NIPAL2: variants seen among roughly 807,000 people sequenced by gnomAD.
NIPAL2 encodes NIPA like domain containing 2.
NIPAL2 carries 43 observed loss-of-function variants against 48.9 expected under a neutral mutation model. The ratio of observed to expected loss-of-function variants is 0.88; its 90% CI spans 0.69 to 1.13. The LOEUF (loss-of-function observed/expected upper bound fraction) is 1.13, where lower values mean the gene tolerates loss of function less well. NIPAL2 is among the 50% of genes most tolerant of loss of function. NIPAL2 has a pLI of 0.00. For missense variants in NIPAL2, 446 were observed against 461.4 expected, an observed-to-expected ratio of 0.97 and a Z score of 0.31; for synonymous variants, 167 against 174.6, an observed-to-expected ratio of 0.96 and a Z score of 0.34.
At chr8:98,266,960 T>C (rs1321415666) in intron 1 of NIPAL2, among the ~76,000 whole-genome samples, 1 of 151,304 alleles carries the variant, frequency 6.6e-6, no homozygotes, top group Non-Finnish European at 1.5e-5. Flanking sequence ...AGCAATCATA[T>C]AAATGGTTCC....
intron 1 of NIPAL2, among the ~76,000 whole-genome samples, chr8:98,287,566 A>G (rs1261553843): frequency 6.6e-6 from 1 of 152,178 alleles, no homozygotes; most frequent in African/African-American, 2.4e-5. Flanking sequence ...ATTATTAGAT[A>G]TATATTTTTA....
chr8:98,241,120 G>T (rs1812959156), intron 3 of NIPAL2, among the ~76,000 whole-genome samples: 1 of 152,188 alleles, frequency 6.6e-6, no homozygotes, highest in South Asian at 2.1e-4. Flanking sequence ...TTTCCAAGAT[G>T]ACCATGGTCT....
At chr8:98,193,570 G>A (rs1435835356) in intron 10 of NIPAL2, among the ~76,000 whole-genome samples, 10 of 152,134 alleles carry the variant, frequency 6.6e-5, no homozygotes, top group Non-Finnish European at 1.2e-4. Context: ...TATCATCCCA[G>A]CACATTGGGA....
intron 3 of NIPAL2, among the ~76,000 whole-genome samples, chr8:98,244,801 T>C (rs1435513762): frequency 1.3e-5 from 2 of 152,192 alleles, no homozygotes; most frequent in African/African-American, 2.4e-5. Context: ...TTTTTACCCA[T>C]AGGAAATTAA....
At chr8:98,256,368 A>G (rs557653379) in intron 1 of NIPAL2, among the ~76,000 whole-genome samples, 1 of 152,326 alleles carries the variant, frequency 6.6e-6, no homozygotes, top group South Asian at 2.1e-4. Flanking sequence ...AACAGAGTGA[A>G]AGGCAACCCA....
chr8:98,203,965 C>T (rs955603833), intron 7 of NIPAL2, among the ~76,000 whole-genome samples: 1 of 151,904 alleles, frequency 6.6e-6, no homozygotes, highest in Non-Finnish European at 1.5e-5. Flanking sequence ...AGGTCATATA[C>T]ATGCATGTAC....
At chr8:98,203,239 A>G (rs764452969) in intron 7 of NIPAL2, 43 bp from the exon 8 acceptor site, 1 of 1,226,974 alleles carries the variant, frequency 8.2e-7, no homozygotes, top group South Asian at 1.5e-5. Flanking sequence ...TTTAGGAGAC[A>G]TTCAGCAATA....
intron 1 of NIPAL2, among the ~76,000 whole-genome samples, chr8:98,262,986 G>A (rs867197843): frequency 0.045 from 6,602 of 146,554 alleles, 297 homozygotes; most frequent in African/African-American, 0.13. Flanking sequence ...ACTCAAAACC[G>A]CTCAACTACA....
At chr8:98,212,373 T>C in intron 6 of NIPAL2, 32 bp downstream of exon 6, 1 of 1,203,326 alleles carries the variant, frequency 8.3e-7, no homozygotes, top group Non-Finnish European at 1.2e-6. Context: ...CACAGCTCAA[T>C]TAAAGAATAA....
At chr8:98,287,168 T>C (rs1816225014) in intron 1 of NIPAL2, among the ~76,000 whole-genome samples, 1 of 152,196 alleles carries the variant, frequency 6.6e-6, no homozygotes, top group Non-Finnish European at 1.5e-5. Flanking sequence ...TGAGCTTTCC[T>C]AGGCTGGGGT....
chr8:98,239,798 C>T (rs1812894893), intron 3 of NIPAL2, among the ~76,000 whole-genome samples: 2 of 152,110 alleles, frequency 1.3e-5, no homozygotes, highest in Admixed American at 6.5e-5. Context: ...ACTCATTTAT[C>T]TTGCAAATAT....
In NIPAL2 at chr8:98,191,230, T is replaced by C. The variant is rs558327245; in HGVS notation, c.*1748A>G. ...CTCTTCAATCTAATTGTTTTCTCAA[T>C]CTTTGTAAACCAGTTTTAAGAGTCA... On this transcript the variant is annotated 3_prime_UTR_variant, in exon 11 of 11. Coordinates refer to ENST00000430223, the MANE Select transcript of NIPAL2 (RefSeq NM_001321635.2). 6.6e-6 allele frequency: 1 copy of C among 152,338 alleles called. No individual in the cohort carries two copies. The highest frequency in any genetic ancestry group is 1.9e-4 in the East Asian group (1 of 5,184). 9.4% of individuals were successfully genotyped at this position (152,338 alleles called of 1,614,324 possible). A position where few individuals can be genotyped will look rare whatever the true frequency, so the allele number is the denominator to read the frequency against.
At chr8:98,208,571 C>T (rs376608955) in intron 6 of NIPAL2, among the ~76,000 whole-genome samples, 1 of 152,080 alleles carries the variant, frequency 6.6e-6, no homozygotes, top group Non-Finnish European at 1.5e-5. Context: ...GCCTCAGCCT[C>T]CTGAGTAGCT....
intron 1 of NIPAL2, among the ~76,000 whole-genome samples, chr8:98,290,752 A>G (rs1391088936): frequency 6.6e-6 from 1 of 152,234 alleles, no homozygotes; most frequent in Non-Finnish European, 1.5e-5. Context: ...AAATCTTTAA[A>G]AATGCATATG....
chr8:98,237,944 A>C (rs952749740), intron 3 of NIPAL2, among the ~76,000 whole-genome samples: 14 of 152,198 alleles, frequency 9.2e-5, no homozygotes, highest in Non-Finnish European at 2.1e-4. Context: ...TTCTTCTAAG[A>C]TCTCCAGTGA....
chr8:98,214,862 T>C (rs1423820032), intron 5 of NIPAL2, among the ~76,000 whole-genome samples: 1 of 152,250 alleles, frequency 6.6e-6, no homozygotes, highest in African/African-American at 2.4e-5. Flanking sequence ...TTTGATTTAA[T>C]TGAGTAGTGC....
Position 98,236,178 on chromosome 8 carries a change from T to C in NIPAL2, c.413A>G (p.Asn138Ser), listed in dbSNP as rs1812704193. 8 of 1,603,446 alleles carry C rather than the reference T, an allele frequency of 5.0e-6. No individual in the cohort carries two copies. The highest frequency in any genetic ancestry group is 2.7e-5 in the African/African-American group (2 of 74,524). ...AIISVTFLKD[N>S]LRASDLLGTT... ...ACCGAGTAAGTCTGAGGCTCTCAAATTGTCTTTCAGAAATGTAACAGAAAT... is the reference window on the plus strand; with the variant it reads ...ACCGAGTAAGTCTGAGGCTCTCAAACTGTCTTTCAGAAATGTAACAGAAAT... Residue 138 changes from asparagine to serine, a missense_variant, in exon 4 of 11, where the codon AAT becomes AGT. By Grantham distance (46) the Asn-to-Ser change is conservative (BLOSUM62 1). Coordinates refer to ENST00000430223, the MANE Select transcript of NIPAL2 (RefSeq NM_001321635.2).
intron 1 of NIPAL2, among the ~76,000 whole-genome samples, chr8:98,288,831 G>A (rs56286236): frequency 0.077 from 11,644 of 152,150 alleles, 1,184 homozygotes; most frequent in African/African-American, 0.23. Flanking sequence ...TGTCATACGG[G>A]AAATATCCAG....
chr8:98,253,978 G>A (rs1227221713), intron 2 of NIPAL2, 41 bp downstream of exon 2: 1 of 1,404,826 alleles, frequency 7.1e-7, no homozygotes. Flanking sequence ...ATGTGTCCCT[G>A]GATCAATCTA....
Sources: allele counts gnomAD v4.1 joint callset (sites outside exome capture counted in the v4.1 genomes callset), GRCh38; gene constraint gnomAD v4.1.1; transcripts MANE v1.5; gene names NCBI Gene and HGNC (gene_info 2026-07-23, HGNC 2026-07-21).